SIK3: variants seen among roughly 807,000 people sequenced by gnomAD.
The protein encoded by SIK3 is SIK family kinase 3.
SIK3 carries 28 observed loss-of-function variants against 144.2 expected under a neutral mutation model. The ratio of observed to expected loss-of-function variants is 0.19; its 90% CI spans 0.14 to 0.27. The LOEUF (loss-of-function observed/expected upper bound fraction) is 0.27, where lower values mean the gene tolerates loss of function less well. Ranked by LOEUF, SIK3 falls within the 10% of genes least tolerant of loss-of-function variation. The pLI is 1.00. For missense variants in SIK3, 1,319 were observed against 1,776.0 expected (o/e 0.74, Z 4.62); for synonymous variants, 686 against 676.3 (o/e 1.01, Z -0.22).
At chr11:116,869,963 A>T in intron 14 of SIK3, 1 of 535,992 alleles carries the variant, frequency 1.9e-6, no homozygotes, top group Admixed American at 3.3e-5. Context: ...GATCACTGTC[A>T]TCCCACATCT....
intron 1 of SIK3, among the ~76,000 whole-genome samples, chr11:116,984,907 C>G (rs1410299579): frequency 2.0e-5 from 3 of 152,154 alleles, no homozygotes; most frequent in African/African-American, 7.2e-5. Context: ...CCAGAAGCAC[C>G]AGTTACCGCA....
intron 6 of SIK3, among the ~76,000 whole-genome samples, chr11:116,882,055 A>G (rs954720178): frequency 6.6e-6 from 1 of 152,074 alleles, no homozygotes; most frequent in African/African-American, 2.4e-5. Flanking sequence ...AAACAAACCA[A>G]AACAATTCTC....
intron 1 of SIK3, among the ~76,000 whole-genome samples, chr11:117,030,817 T>G (rs1952225722): frequency 6.6e-6 from 1 of 152,184 alleles, no homozygotes; most frequent in Non-Finnish European, 1.5e-5. Context: ...ATTACAGGTG[T>G]GTGCCAGTGC....
intron 4 of SIK3, among the ~76,000 whole-genome samples, chr11:116,922,339 AAAT>A (rs1947031137): frequency 6.6e-6 from 1 of 151,938 alleles, no homozygotes; most frequent in South Asian, 2.1e-4. Context: ...AAAATGTTTA[AAAT>A]TAGCGAGGTG....
At position 116,850,235 on chromosome 11, in the gene SIK3, G is replaced by A. The variant is rs1026498971; in HGVS notation, c.3656-952C>T. 4.6e-5 allele frequency among the ~76,000 whole-genome samples: 7 copies of A among 152,108 alleles called. No individual in the cohort carries two copies. The South Asian group carries it at 6.2e-4, about 14-fold the overall frequency. Reference sequence around the variant, plus strand: ...TACTACTACCCTACAAAGACCAACCGTTCTGTAGTCCATTCACTTTCATTT... The same window carrying A: ...TACTACTACCCTACAAAGACCAACCATTCTGTAGTCCATTCACTTTCATTT... On this transcript the variant is annotated intron_variant, in intron 21 of 24. Coordinates refer to ENST00000445177, the MANE Select transcript of SIK3 (RefSeq NM_001366686.3).
intron 1 of SIK3, among the ~76,000 whole-genome samples, chr11:116,974,453 G>C (rs910786897): frequency 2.0e-5 from 3 of 152,134 alleles, no homozygotes; most frequent in African/African-American, 7.2e-5. Flanking sequence ...ACCCAGGCTG[G>C]AGTACAGTGG....
In SIK3 at chr11:116,897,438, A is replaced by ATATTAAATG. The variant is rs1361054657; in HGVS notation, c.617-122_617-121insCATTTAATA. ...TCTGAATATTAAATGCAAAAAGAGA[A>ATATTAAATG]CATTTAGAAACCACATAGCCAGACA... On this transcript the variant is annotated intron_variant, in intron 4 of 24. Transcript: ENST00000445177. 2.1e-5 allele frequency: 18 copies of ATATTAAATG among 844,644 alleles called. No homozygotes were observed. The East Asian group carries it at 4.9e-4, about 23-fold the overall frequency. The allele number at this position is 844,644 out of a possible 1,614,324, so 52.3% of individuals were successfully genotyped here.
chr11:116,903,844 C>T (rs532412917), intron 4 of SIK3, among the ~76,000 whole-genome samples: 6 of 152,136 alleles, frequency 3.9e-5, no homozygotes, highest in Non-Finnish European at 7.3e-5. Flanking sequence ...ACTAGGCCTT[C>T]GTAAGTGCTG....
intron 3 of SIK3, among the ~76,000 whole-genome samples, chr11:116,932,994 C>T (rs1193618099): frequency 1.3e-5 from 2 of 152,104 alleles, no homozygotes; most frequent in African/African-American, 4.8e-5. Context: ...TGGTCTCAAA[C>T]TCATGGGCTC....
chr11:116,975,147 A>G (rs1949901042), intron 1 of SIK3, among the ~76,000 whole-genome samples: 1 of 151,996 alleles, frequency 6.6e-6, no homozygotes, highest in South Asian at 2.1e-4. Flanking sequence ...ATTTCTCCTC[A>G]GCAAGAATTT....
intron 1 of SIK3, among the ~76,000 whole-genome samples, chr11:116,959,556 G>C (rs17120195): frequency 0.049 from 7,429 of 152,214 alleles, 603 homozygotes; most frequent in African/African-American, 0.17. Context: ...GGGGAAAAGC[G>C]GGTGACCTTC....
chr11:116,886,314 C>A (rs1231262501), intron 6 of SIK3, among the ~76,000 whole-genome samples: 1 of 152,138 alleles, frequency 6.6e-6, no homozygotes, highest in Non-Finnish European at 1.5e-5. Context: ...ACTCTGAGCC[C>A]CTCGGTATAT....
intron 6 of SIK3, 112 bp downstream of exon 6, chr11:116,896,141 T>TA (rs1474079205): frequency 6.9e-7 from 1 of 1,446,768 alleles, no homozygotes. Flanking sequence ...AAGCTGGAGT[T>TA]AAAAAAGGTT....
chr11:116,857,743 A>G (rs766866682), intron 21 of SIK3, 67 bp downstream of exon 21: 10 of 1,544,078 alleles, frequency 6.5e-6, no homozygotes, highest in Non-Finnish European at 7.0e-6. Flanking sequence ...CTGAAAAAAG[A>G]TAACATTACT....
At chr11:116,861,177 T>C (rs1943302241) in intron 19 of SIK3, 97 bp downstream of exon 19, 3 of 964,116 alleles carry the variant, frequency 3.1e-6, no homozygotes, top group African/African-American at 1.7e-5. Flanking sequence ...ACTATGTTAT[T>C]CTGCCTTTCA....
intron 6 of SIK3, 47 bp from the exon 7 acceptor site, chr11:116,877,089 AC>A: frequency 1.3e-6 from 2 of 1,560,072 alleles, no homozygotes; most frequent in Non-Finnish European, 1.8e-6. Context: ...GAGGGGAGGC[AC>A]CAGGGGAGTA....
chr11:117,023,621 A>AAAAAATATATATATATATATATATATAT (rs754624841), intron 1 of SIK3, among the ~76,000 whole-genome samples: 1 of 95,412 alleles, frequency 1.0e-5, no homozygotes, highest in Non-Finnish European at 2.1e-5. Flanking sequence ...AAAAAAAAAA[A>AAAAAATATATATATATATATATATATAT]ATATATATAT....
At chr11:116,943,909 A>C (rs1948442220) in intron 3 of SIK3, among the ~76,000 whole-genome samples, 1 of 148,090 alleles carries the variant, frequency 6.8e-6, no homozygotes, top group African/African-American at 2.6e-5. Context: ...TCACATTTAA[A>C]AGTAAAAAAA....
At chr11:116,977,241 TC>T (rs1949978525) in intron 1 of SIK3, among the ~76,000 whole-genome samples, 2 of 50,794 alleles carry the variant, frequency 3.9e-5, no homozygotes, top group African/African-American at 7.0e-5. Flanking sequence ...CCTCCCTCCC[TC>T]CCTCCCTTCC....
Sources: gnomAD v4.1 joint callset for allele counts (sites outside exome capture counted in the v4.1 genomes callset) on GRCh38, gnomAD v4.1.1 for gene constraint, MANE v1.5 for transcripts, NCBI Gene and HGNC (gene_info 2026-07-23, HGNC 2026-07-21) for gene names.